SLC25A12: variants seen among roughly 807,000 people sequenced by gnomAD.
The protein encoded by SLC25A12 is solute carrier family 25 member 12.
A neutral mutation model predicts 83.3 loss-of-function variants in SLC25A12; 32 were observed. The ratio of observed to expected loss-of-function variants is 0.38; its 90% CI spans 0.29 to 0.52. The LOEUF is 0.52. Ranked by LOEUF, SLC25A12 falls within the 20% of genes least tolerant of loss-of-function variation. The probability of loss-of-function intolerance (pLI) is 0.84; values close to 1 mark genes in which losing one functional copy is unlikely to be tolerated. For missense variants in SLC25A12, 611 were observed against 835.6 expected, an observed-to-expected ratio of 0.73 and a Z score of 3.31; for synonymous variants, 267 against 291.1, an observed-to-expected ratio of 0.92 and a Z score of 0.84.
intron 5 of SLC25A12, among the ~76,000 whole-genome samples, chr2:171,839,454 T>C (rs1684626601): frequency 6.6e-6 from 1 of 152,200 alleles, no homozygotes; most frequent in African/African-American, 2.4e-5. Context: ...GCAGTTATGC[T>C]GAAGGGAAAG....
In SLC25A12 at chr2:171,822,634, G is replaced by A. The variant is rs185190483; in HGVS notation, c.930+4164C>T. Among the ~76,000 whole-genome samples, 81 of 152,200 alleles carry A rather than the reference G, an allele frequency of 5.3e-4. 2 individuals carry two copies. Among genetic ancestry groups the A allele is most frequent in the Admixed American group, 5.1e-3 (78 of 15,298 alleles). ...CTCCTGGGCTCAAAACAACCTGCCC[G>A]CCTTGGCCTCTCAAAGTGCTGGAAT... On this transcript the variant is annotated intron_variant, in intron 9 of 17. Transcript: ENST00000422440.
At chr2:171,859,884 C>T (rs1685119129) in intron 3 of SLC25A12, among the ~76,000 whole-genome samples, 1 of 152,158 alleles carries the variant, frequency 6.6e-6, no homozygotes, top group Non-Finnish European at 1.5e-5. Context: ...TCTCCTGCTT[C>T]AGCCTCCTGA....
chr2:171,849,515 G>C (rs1684872190), intron 4 of SLC25A12, among the ~76,000 whole-genome samples: 1 of 134,912 alleles, frequency 7.4e-6, no homozygotes, highest in Non-Finnish European at 1.6e-5. Context: ...TTCTTTTTAT[G>C]AAAGTCTTTG....
Position 171,791,556 on chromosome 2 carries a change from A to G in SLC25A12, c.1480T>C (p.Phe494Leu). The G allele has an allele frequency of 6.2e-7, 1 of 1,613,984 alleles. No individual in the cohort carries two copies. The highest frequency in any genetic ancestry group is 8.5e-7 in the Non-Finnish European group (1 of 1,179,826). Reference sequence around the variant, plus strand: ...TAAACAGGAAAATAGATTGCAGAGAAGGGAATGTCTCGGAGGAAACACGCT... The same window carrying G: ...TAAACAGGAAAATAGATTGCAGAGAGGGGAATGTCTCGGAGGAAACACGCT... ...AKACFLRDIPFSAIYFPVYAH... is the reference protein window; with the variant it reads ...AKACFLRDIPLSAIYFPVYAH... Residue 494 changes from phenylalanine (F) to leucine (L), a missense_variant, in exon 15 of 18, where the codon TTC becomes CTC. Transcript: ENST00000422440.
At chr2:171,861,403 T>TTTTA (rs140986551) in intron 3 of SLC25A12, among the ~76,000 whole-genome samples, 61 of 151,690 alleles carry the variant, frequency 4.0e-4, no homozygotes, top group African/African-American at 1.4e-3. Flanking sequence ...TGTTCCAGAA[T>TTTTA]TTTATTTATT....
chr2:171,789,556 C>T (rs1442769161), intron 15 of SLC25A12, among the ~76,000 whole-genome samples: 1 of 152,120 alleles, frequency 6.6e-6, no homozygotes, highest in Non-Finnish European at 1.5e-5. Flanking sequence ...TAGGAAGGAG[C>T]TGATTTGGAA....
Position 171,834,067 on chromosome 2 carries a change from G to GAA in SLC25A12, c.752-13_752-12dup. ...TCTGGGCAAATTCCTCTGGAACAGA[G>GAA]AAAAAAAAAGTTAAAATCTTGAATG... On this transcript the variant is annotated splice_polypyrimidine_tract_variant and intron_variant, in intron 7 of 17. Coordinates refer to ENST00000422440, the MANE Select transcript of SLC25A12 (RefSeq NM_003705.5). 2 of 1,482,722 alleles carry GAA rather than the reference G, an allele frequency of 1.3e-6. No individual in the cohort carries two copies. Among genetic ancestry groups the GAA allele is most frequent in the Non-Finnish European group, 1.9e-6 (2 of 1,065,638 alleles). The allele number at this position is 1,482,722 out of a possible 1,614,324, so 91.8% of individuals were successfully genotyped here.
chr2:171,809,577 C>T (rs1343389684), intron 13 of SLC25A12, 29 bp downstream of exon 13: 1 of 1,560,302 alleles, frequency 6.4e-7, no homozygotes. Flanking sequence ...ATGTATTTGT[C>T]ACAAGAAGCG....
intron 4 of SLC25A12, among the ~76,000 whole-genome samples, chr2:171,853,039 T>G (rs1684965396): frequency 6.6e-6 from 1 of 152,180 alleles, no homozygotes; most frequent in South Asian, 2.1e-4. Context: ...TTAAATTTTT[T>G]AGAGACTGGG....
At chr2:171,876,877 C>T (rs1685586348) in intron 2 of SLC25A12, among the ~76,000 whole-genome samples, 1 of 152,152 alleles carries the variant, frequency 6.6e-6, no homozygotes, top group Non-Finnish European at 1.5e-5. Context: ...GTATATCCCT[C>T]TGGGGCAAGA....
intron 13 of SLC25A12, among the ~76,000 whole-genome samples, chr2:171,807,728 A>G (rs1683864539): frequency 6.6e-6 from 1 of 152,248 alleles, no homozygotes; most frequent in East Asian, 1.9e-4. Flanking sequence ...GAGAAACTTC[A>G]TTTTTGGTGA....
chr2:171,809,557 G>A, intron 13 of SLC25A12, 49 bp downstream of exon 13: 2 of 1,384,098 alleles, frequency 1.4e-6, no homozygotes, highest in Non-Finnish European at 2.1e-6. Context: ...TGTGCAAAAA[G>A]GTCAACGGAA....
chr2:171,889,519 C>T (rs1490182261), intron 2 of SLC25A12, among the ~76,000 whole-genome samples: 1 of 152,178 alleles, frequency 6.6e-6, no homozygotes, highest in Non-Finnish European at 1.5e-5. Context: ...CCAACATACA[C>T]AAAAAGCTGC....
At position 171,844,499 on chromosome 2, in the gene SLC25A12, T is replaced by G. The variant is rs1047272344; in HGVS notation, c.335A>C (p.Lys112Thr). 1 of 1,592,488 alleles carries G rather than the reference T, an allele frequency of 6.3e-7. No homozygotes were observed. The highest frequency in any genetic ancestry group is 8.6e-7 in the Non-Finnish European group (1 of 1,160,530). ...GNGEVTFENVKEIFGQTIIHH... is the reference protein window; with the variant it reads ...GNGEVTFENVTEIFGQTIIHH... ...AATAATAGTCTGTCCAAAAATTTCT[T>G]TGACATTTTCTTAAAAGGGAAAACA... The change falls in exon 5 of 18, where the codon AAA becomes ACA. Residue 112 changes from lysine (K) to threonine (T), a missense_variant. Lys to Thr is a moderately conservative substitution (Grantham distance 78). Coordinates refer to ENST00000422440, the MANE Select transcript of SLC25A12 (RefSeq NM_003705.5).
chr2:171,862,528 T>C (rs554403515), intron 3 of SLC25A12, among the ~76,000 whole-genome samples: 1 of 152,256 alleles, frequency 6.6e-6, no homozygotes, highest in South Asian at 2.1e-4. Context: ...TACTATCTAC[T>C]GGGGGAAAGG....
At chr2:171,835,652 G>T (rs1157973679) in intron 6 of SLC25A12, among the ~76,000 whole-genome samples, 1 of 152,220 alleles carries the variant, frequency 6.6e-6, no homozygotes, top group Non-Finnish European at 1.5e-5. Context: ...CAAGCCAGAA[G>T]TCAGAGGAAC....
chr2:171,887,569 G>A (rs1685846014), intron 2 of SLC25A12, among the ~76,000 whole-genome samples: 1 of 152,194 alleles, frequency 6.6e-6, no homozygotes, highest in Non-Finnish European at 1.5e-5. Context: ...TTAGAAATTT[G>A]TCAGACTTAT....
At chr2:171,821,755 TA>T (rs1684199338) in intron 9 of SLC25A12, among the ~76,000 whole-genome samples, 2 of 152,212 alleles carry the variant, frequency 1.3e-5, no homozygotes, top group Non-Finnish European at 2.9e-5. Context: ...TTATTTAAAT[TA>T]TTGCAAATAT....
intron 5 of SLC25A12, among the ~76,000 whole-genome samples, chr2:171,840,556 G>A (rs1684650770): frequency 6.6e-6 from 1 of 151,930 alleles, no homozygotes; most frequent in South Asian, 2.1e-4. Flanking sequence ...CATGAAACAA[G>A]AACAGTATGC....
Sources: gnomAD v4.1 joint callset for allele counts (sites outside exome capture counted in the v4.1 genomes callset) on GRCh38, gnomAD v4.1.1 for gene constraint, MANE v1.5 for transcripts, NCBI Gene and HGNC (gene_info 2026-07-23, HGNC 2026-07-21) for gene names.